The following CCDC146 variants were observed in gnomAD, a reference collection of about 807,000 sequenced individuals.
The protein encoded by CCDC146 is coiled-coil domain-containing protein 146.
Under a neutral mutation model 119.3 loss-of-function variants are expected in CCDC146, and 92 were observed. That is an observed-to-expected ratio of 0.77 (90% CI 0.65 to 0.92). The LOEUF is 0.92. CCDC146 is among the 40% of genes least tolerant of loss of function. CCDC146 has a pLI of 0.00. For missense variants in CCDC146, 1,000 were observed against 1,103.0 expected (o/e 0.91, Z 1.32); for synonymous variants, 372 against 371.8 (o/e 1.00, Z -0.01).
intron 1 of CCDC146, among the ~76,000 whole-genome samples, chr7:77,127,490 T>C (rs1464146865): frequency 1.3e-5 from 2 of 152,254 alleles, no homozygotes; most frequent in Non-Finnish European, 2.9e-5. Flanking sequence ...TATAAATTGC[T>C]AGATTCAACT....
In CCDC146 at chr7:77,267,174, G is replaced by A. The variant is rs368217756; in HGVS notation, c.1173+4867G>A. 2.6e-5 allele frequency among the ~76,000 whole-genome samples: 4 copies of A among 152,004 alleles called. No individual in the cohort carries two copies. In the South Asian group the frequency reaches 8.3e-4, roughly 31 times the overall value. ...AGCCCAGCTAGTTTTTATATTTTTA[G>A]TAGAGATGGGGTTTCACCATGTTGC... On this transcript the variant is annotated intron_variant, in intron 9 of 18. Coordinates refer to ENST00000285871, the MANE Select transcript of CCDC146 (RefSeq NM_020879.3).
intron 2 of CCDC146, chr7:77,199,458 GT>G: frequency 6.2e-7 from 1 of 1,614,086 alleles, no homozygotes; most frequent in Non-Finnish European, 8.5e-7. Flanking sequence ...ACAACAGTCC[GT>G]TTCTGCCTGG....
At chr7:77,176,955 C>T (rs1307770882) in intron 2 of CCDC146, among the ~76,000 whole-genome samples, 4 of 151,856 alleles carry the variant, frequency 2.6e-5, no homozygotes, top group African/African-American at 9.7e-5. Flanking sequence ...CCCACCTCAG[C>T]CCCTGGAGTA....
At chr7:77,188,761 T>A (rs898902709) in intron 2 of CCDC146, among the ~76,000 whole-genome samples, 9 of 152,210 alleles carry the variant, frequency 5.9e-5, no homozygotes, top group African/African-American at 2.2e-4. Context: ...TCAACAAAAA[T>A]ACCGTTGTTG....
At chr7:77,179,484 T>C (rs1448063640) in intron 2 of CCDC146, among the ~76,000 whole-genome samples, 1 of 152,188 alleles carries the variant, frequency 6.6e-6, no homozygotes, top group African/African-American at 2.4e-5. Context: ...TTCACATATT[T>C]ATACAATTTT....
chr7:77,265,084 T>C (rs758378276), intron 9 of CCDC146, among the ~76,000 whole-genome samples: 6 of 152,252 alleles, frequency 3.9e-5, no homozygotes, highest in Non-Finnish European at 7.3e-5. Context: ...TATAAGCTAC[T>C]CCATCTTAGC....
rs540380910 is a variant in CCDC146, at chr7:77,214,594, GA to G, written c.157-22352del. The stretch of plus-strand genomic sequence containing the variant: ...TACATTCAAGTCTTTAATCCCTCTT[GA>G]GTTAATTTTTATATGTGGTGAGAGC... On this transcript the variant is annotated intron_variant, in intron 2 of 18. Coordinates refer to ENST00000285871, the MANE Select transcript of CCDC146 (RefSeq NM_020879.3). Among the ~76,000 whole-genome samples the G allele has an allele frequency of 9.9e-4, 151 of 152,190 alleles. 1 individual carries two copies. The highest frequency in any genetic ancestry group is 3.6e-3 in the African/African-American group (149 of 41,518).
chr7:77,199,052 G>A, intron 2 of CCDC146: 1 of 787,306 alleles, frequency 1.3e-6, no homozygotes, highest in South Asian at 1.8e-5. Flanking sequence ...ATTTTTTCCT[G>A]TGCACCTTGA....
chr7:77,254,159 A>G (rs1295695021), intron 4 of CCDC146, among the ~76,000 whole-genome samples: 1 of 152,234 alleles, frequency 6.6e-6, no homozygotes, highest in Non-Finnish European at 1.5e-5. Flanking sequence ...AGGCTGTAGC[A>G]GGAATCCAGG....
chr7:77,267,539 T>TGG, intron 9 of CCDC146, among the ~76,000 whole-genome samples: 1 of 131,618 alleles, frequency 7.6e-6, no homozygotes, highest in South Asian at 2.5e-4. Context: ...TTTTTTTTTT[T>TGG]AATCACTATA....
At chr7:77,271,793 T>C (rs906336350) in intron 9 of CCDC146, among the ~76,000 whole-genome samples, 1 of 152,000 alleles carries the variant, frequency 6.6e-6, no homozygotes, top group African/African-American at 2.4e-5. Context: ...ATACAATTTA[T>C]TGAAGTATTG....
chr7:77,188,545 CTACTTA>C (rs1287514657), intron 2 of CCDC146, among the ~76,000 whole-genome samples: 1 of 152,122 alleles, frequency 6.6e-6, no homozygotes, highest in Non-Finnish European at 1.5e-5. Context: ...ATATGTGTAT[CTACTTA>C]TGCACAGGTA....
In CCDC146 at chr7:77,241,214, T is replaced by C. The variant is rs1184286384; in HGVS notation, c.240-477T>C. Among the ~76,000 whole-genome samples the C allele has an allele frequency of 5.0e-5, 6 of 121,070 alleles. No individual in the cohort carries two copies. In the East Asian group the frequency reaches 6.6e-4, roughly 13 times the overall value. 79.4% of individuals were successfully genotyped at this position (121,070 alleles called of 152,430 possible). On this transcript the variant is annotated intron_variant, in intron 3 of 18. Coordinates refer to ENST00000285871, the MANE Select transcript of CCDC146 (RefSeq NM_020879.3). ...CTGGGACTACAGGCGCCCGCCACCA[T>C]GCCCAGCTAATTTTTTGTATTTTTA...
intron 1 of CCDC146, among the ~76,000 whole-genome samples, chr7:77,126,519 CA>C (rs1191059480): frequency 6.6e-6 from 1 of 152,004 alleles, no homozygotes; most frequent in East Asian, 1.9e-4. Flanking sequence ...ATCTGTCCAG[CA>C]TTCAGTTCTC....
At chr7:77,259,146 T>G in intron 7 of CCDC146, 78 bp downstream of exon 7, 1 of 812,532 alleles carries the variant, frequency 1.2e-6, no homozygotes, top group Non-Finnish European at 2.0e-6. Flanking sequence ...TACTAACCAT[T>G]GGACACATTA....
chr7:77,179,764 C>G (rs1187651381), intron 2 of CCDC146, among the ~76,000 whole-genome samples: 1 of 152,024 alleles, frequency 6.6e-6, no homozygotes, highest in Non-Finnish European at 1.5e-5. Context: ...TTAAGTGTAC[C>G]ATTTGTGTTA....
chr7:77,251,005 G>A lies in CCDC146; in HGVS notation c.450-3501G>A, dbSNP rs1039401267. Among the ~76,000 whole-genome samples, 7 of 146,552 alleles carry A rather than the reference G, an allele frequency of 4.8e-5. No homozygotes were observed. The East Asian group carries it at 1.4e-3, about 29-fold the overall frequency. On this transcript the variant is annotated intron_variant, in intron 4 of 18. Transcript: ENST00000285871. Reference sequence around the variant, plus strand: ...TGTGTGTGTGTGTGTGTGTGTGTGTGTGTGTGTGTGTGTGTGTGTGTTTGG... The same window carrying A: ...TGTGTGTGTGTGTGTGTGTGTGTGTATGTGTGTGTGTGTGTGTGTGTTTGG...
In CCDC146 at chr7:77,294,754, C is replaced by G. The variant is rs1324473800; in HGVS notation, c.2756C>G (p.Ala919Gly). The G allele has an allele frequency of 2.5e-6, 4 of 1,614,038 alleles. No individual in the cohort carries two copies. In the Admixed American group the frequency reaches 6.7e-5, roughly 27 times the overall value. ...RPNAYIPEAD[A>G]TLPLPKPYGA... is the part of the protein sequence containing the mutation. ...AATGCCTACATCCCAGAAGCAGATG[C>G]CACTCTTCCTTTGCCAAAACCTTAT... Residue 919 changes from alanine (A) to glycine (G), a missense_variant, in exon 19 of 19, where the codon GCC (alanine) becomes GGC (glycine). Around this residue, in one of 2 missense-constraint regions of CCDC146, gnomAD observed 985 missense variants for 1,045.3 expected, o/e 0.94. Coordinates refer to ENST00000285871, the MANE Select transcript of CCDC146 (RefSeq NM_020879.3).
At chr7:77,188,176 A>G (rs1791701779) in intron 2 of CCDC146, among the ~76,000 whole-genome samples, 1 of 152,160 alleles carries the variant, frequency 6.6e-6, no homozygotes, top group South Asian at 2.1e-4. Context: ...CTGATTCACA[A>G]ATTGTTTGTT....
Sources: gnomAD v4.1 joint callset for allele counts (sites outside exome capture counted in the v4.1 genomes callset) on GRCh38, gnomAD v4.1.1 for gene constraint, gnomAD v4.1.1 regional missense constraint, MANE v1.5 for transcripts, NCBI Gene and HGNC (gene_info 2026-07-23, HGNC 2026-07-21) for gene names.